Variants in LZIC observed in about 807,000 individuals in gnomAD.
LZIC encodes the protein leucine zipper and CTNNBIP1 domain containing, also known as protein LZIC.
LZIC carries 28 observed loss-of-function variants against 25.4 expected under a neutral mutation model. The observed-to-expected ratio is 1.10, with a 90% CI of 0.82 to 1.51. LZIC has a LOEUF of 1.51. LZIC is among the 40% of genes most tolerant of loss of function. The pLI is 0.00. For synonymous variants in LZIC, 65 were observed against 70.7 expected, an observed-to-expected ratio of 0.92 and a Z score of 0.40; for missense variants, 170 against 211.1, an observed-to-expected ratio of 0.81 and a Z score of 1.21.
At position 9,929,316 on chromosome 1, in the gene LZIC, A is replaced by G; in HGVS notation, c.*1083T>C. On this transcript the variant is annotated 3_prime_UTR_variant, in exon 8 of 8. Coordinates refer to ENST00000377223, the MANE Select transcript of LZIC (RefSeq NM_032368.5). ...AATGCTTTTAATTTGTATAAAGTGCAAAGAAAAAGAATATTGAGAAGCACA... is the reference window on the plus strand; with the variant it reads ...AATGCTTTTAATTTGTATAAAGTGCGAAGAAAAAGAATATTGAGAAGCACA... 3 of 984,974 alleles carry G rather than the reference A, an allele frequency of 3.0e-6. No homozygotes were observed. The highest frequency in any genetic ancestry group is 3.6e-6 in the Non-Finnish European group (3 of 829,470). The allele number at this position is 984,974 out of a possible 1,614,324, so 61.0% of individuals were successfully genotyped here.
intron 7 of LZIC, among the ~76,000 whole-genome samples, chr1:9,931,041 T>C (rs1177490008): frequency 6.6e-6 from 1 of 150,986 alleles, no homozygotes; most frequent in Non-Finnish European, 1.5e-5. Context: ...TTAAAACATT[T>C]CTGTGAAAAA....
Position 9,935,579 on chromosome 1 carries a change from CAG to C in LZIC, c.148_149del (p.Leu50GlyfsTer5). On this transcript the variant is annotated frameshift_variant, in exon 4 of 8. Coordinates refer to ENST00000377223, the MANE Select transcript of LZIC (RefSeq NM_032368.5). LOFTEE classifies it high-confidence loss of function. Reference protein sequence around the residue: ...DEYEETKKETLEQLSEFNDSL... With the variant: ...DEYEETKKETXEQLSEFNDSL... ...AATCATTAAATTCACTTAGTTGCTC[CAG>C]AGTTTCCTTTTTGGTTTCTTCATAT... 6.2e-7 allele frequency: 1 copy of C among 1,611,672 alleles called. No individual in the cohort carries two copies. Among genetic ancestry groups the C allele is most frequent in the African/African-American group, 1.3e-5 (1 of 74,874 alleles).
intron 5 of LZIC, among the ~76,000 whole-genome samples, chr1:9,934,024 C>T (rs1305488766): frequency 6.6e-6 from 1 of 151,942 alleles, no homozygotes; most frequent in East Asian, 1.9e-4. Context: ...GTTAGGAGTT[C>T]AAGACCAGCC....
rs1169901995 is a variant in LZIC, at chr1:9,934,779, G to A, written c.319C>T (p.Arg107Trp). The A allele has an allele frequency of 5.6e-6, 9 of 1,613,884 alleles. No homozygotes were observed. Among genetic ancestry groups the A allele is most frequent in the Middle Eastern group, 1.6e-4 (1 of 6,084 alleles). The change falls in exon 5 of 8, where the codon CGG becomes TGG. Residue 107 changes from arginine to tryptophan, a missense_variant. Arg to Trp is a moderately radical substitution (Grantham distance 101). Coordinates refer to ENST00000377223, the MANE Select transcript of LZIC (RefSeq NM_032368.5). Reference protein sequence around the residue: ...LFAKKQPGQLRTRLAEMDRDL... With the variant: ...LFAKKQPGQLWTRLAEMDRDL... The stretch of plus-strand genomic sequence containing the variant: ...AATTTTACCTCTGCTAACCTTGTCC[G>A]AAGCTGACCTGGTTGTTTCTTTGCA...
At chr1:9,925,192 G>T (rs1639952148), downstream of LZIC, among the ~76,000 whole-genome samples, 1 of 151,884 alleles carries the variant, frequency 6.6e-6, no homozygotes, top group Non-Finnish European at 1.5e-5. Context: ...TGGACATGGT[G>T]GCGCATGCCT....
Position 9,929,649 on chromosome 1 carries a change from C to T in LZIC, c.*750G>A. 1 of 985,392 alleles carries T rather than the reference C, an allele frequency of 1.0e-6. No individual in the cohort carries two copies. Among genetic ancestry groups the T allele is most frequent in the Non-Finnish European group, 1.2e-6 (1 of 829,932 alleles). 61.0% of individuals were successfully genotyped at this position (985,392 alleles called of 1,614,324 possible). A position where few individuals can be genotyped will look rare whatever the true frequency, so the allele number is the denominator to read the frequency against. On this transcript the variant is annotated 3_prime_UTR_variant, in exon 8 of 8. Transcript: ENST00000377223. ...ACGCTCAACAGGGCTCCCATTGTTC[C>T]AACCTCAAAATTCCGAGATACAACG...
In LZIC at chr1:9,931,965, G is replaced by A. The variant is rs1422413841; in HGVS notation, c.440C>T (p.Ala147Val). 1.2e-6 allele frequency: 2 copies of A among 1,612,522 alleles called. No homozygotes were observed. The highest frequency in any genetic ancestry group is 2.7e-5 in the African/African-American group (2 of 74,870). The change falls in exon 7 of 8, where the codon GCA becomes GTA. Residue 147 changes from alanine (A) to valine (V), a missense_variant. Ala to Val is a moderately conservative substitution (Grantham distance 64). Transcript: ENST00000377223. Reference sequence around the variant, plus strand: ...TGCTGACAAGAAGGCCTCATCATCTGCAGTCAGCTAAACAAAATGAAACAA... The same window carrying A: ...TGCTGACAAGAAGGCCTCATCATCTACAGTCAGCTAAACAAAATGAAACAA... ...ALRKLGEKLTADDEAFLSANA... is the reference protein window; with the variant it reads ...ALRKLGEKLTVDDEAFLSANA...
chr1:9,943,276 G>A lies in LZIC; in HGVS notation c.-195C>T, dbSNP rs994505191. 1.9e-5 allele frequency: 3 copies of A among 156,556 alleles called. No individual in the cohort carries two copies. Among genetic ancestry groups the A allele is most frequent in the Non-Finnish European group, 2.8e-5 (2 of 70,192 alleles). The allele number at this position is 156,556 out of a possible 1,614,324, so 9.7% of individuals were successfully genotyped here. Reference sequence around the variant, plus strand: ...GACAAAAACTGGGACAACCTCCTTAGGCCCCCGGGATTCCCCCTGTGCCGC... The same window carrying A: ...GACAAAAACTGGGACAACCTCCTTAAGCCCCCGGGATTCCCCCTGTGCCGC... On this transcript the variant is annotated 5_prime_UTR_variant, in exon 1 of 8. Transcript: ENST00000377223.
Position 9,928,203 on chromosome 1 carries a change from C to T in LZIC, c.*2196G>A, listed in dbSNP as rs1640072299. Among the ~76,000 whole-genome samples, 1 of 152,194 alleles carries T rather than the reference C, an allele frequency of 6.6e-6. No homozygotes were observed. The highest frequency in any genetic ancestry group is 2.4e-5 in the African/African-American group (1 of 41,538). ...GTGGCGCATGCCTTAATCCCAGCTA[C>T]TCGGGAGGCTGAGGCAGGAGAATCG... is the stretch of plus-strand genomic sequence containing the variant. On this transcript the variant is annotated 3_prime_UTR_variant, in exon 8 of 8. Coordinates refer to ENST00000377223, the MANE Select transcript of LZIC (RefSeq NM_032368.5).
At chr1:9,937,228 C>G (rs1036256103) in intron 2 of LZIC, among the ~76,000 whole-genome samples, 1 of 152,032 alleles carries the variant, frequency 6.6e-6, no homozygotes, top group Non-Finnish European at 1.5e-5. Flanking sequence ...CCCGTCTCTC[C>G]TAAAAATATA....
chr1:9,932,101 TGGG>T (rs550002629), intron 6 of LZIC, 129 bp from the exon 7 acceptor site: 18,715 of 184,864 alleles, frequency 0.1, 1,285 homozygotes, highest in African/African-American at 0.2. Flanking sequence ...TTGGGAGGCG[TGGG>T]GGGGGGGGGG....
Position 9,929,941 on chromosome 1 carries a change from G to T in LZIC, c.*458C>A, listed in dbSNP as rs1640138904. ...TTTCCTTGTTTGTAAAAACAGAAATGATTTCTAAGATCACTCAGAATTGTA... is the reference window on the plus strand; with the variant it reads ...TTTCCTTGTTTGTAAAAACAGAAATTATTTCTAAGATCACTCAGAATTGTA... On this transcript the variant is annotated 3_prime_UTR_variant, in exon 8 of 8. Coordinates refer to ENST00000377223, the MANE Select transcript of LZIC (RefSeq NM_032368.5). The T allele has an allele frequency of 1.4e-5, 13 of 958,268 alleles. No homozygotes were observed. The highest frequency in any genetic ancestry group is 1.5e-5 in the Non-Finnish European group (12 of 805,256). The allele number at this position is 958,268 out of a possible 1,614,324, so 59.4% of individuals were successfully genotyped here. A position where few individuals can be genotyped will look rare whatever the true frequency, so the allele number is the denominator to read the frequency against.
In LZIC at chr1:9,929,041, G is replaced by A. The variant is rs1640106942; in HGVS notation, c.*1358C>T. The A allele has an allele frequency of 6.6e-6, 1 of 152,486 alleles. No homozygotes were observed. The highest frequency in any genetic ancestry group is 2.4e-5 in the African/African-American group (1 of 41,404). 9.4% of individuals were successfully genotyped at this position (152,486 alleles called of 1,614,324 possible). On this transcript the variant is annotated 3_prime_UTR_variant, in exon 8 of 8. Transcript: ENST00000377223. ...AGCAGTCGGAGGAGAAGGGAATGGG[G>A]ACTAACTGCTTAATAGGTATAGGGC...
intron 2 of LZIC, among the ~76,000 whole-genome samples, chr1:9,936,929 A>AGAC (rs1313961933): frequency 6.6e-6 from 1 of 152,150 alleles, no homozygotes; most frequent in Non-Finnish European, 1.5e-5. Flanking sequence ...CAGGAGATCA[A>AGAC]GACCATCCTG....
intron 7 of LZIC, 40 bp downstream of exon 7, chr1:9,931,851 G>T: frequency 7.6e-7 from 1 of 1,321,540 alleles, no homozygotes; most frequent in Non-Finnish European, 1.1e-6. Flanking sequence ...ATATATGACA[G>T]TAGTATACGA....
rs988155804 is a variant in LZIC at position 9,934,835 on chromosome 1, G to A, written c.263C>T (p.Ala88Val). ...TCTGATGACCTCTGGGGTTTTAAAG[G>A]CCTGGCTGATAGCTGCCTGAATAGC... Reference protein sequence around the residue: ...QLAIQAAISQAFKTPEVIRLF... With the variant: ...QLAIQAAISQVFKTPEVIRLF... Residue 88 changes from alanine to valine, a missense_variant, in exon 5 of 8, where the codon GCC (alanine) becomes GTC (valine). By Grantham distance (64) the Ala-to-Val change is moderately conservative. Transcript: ENST00000377223. The A allele has an allele frequency of 6.8e-6, 11 of 1,613,944 alleles. No individual in the cohort carries two copies. In the Middle Eastern group the frequency reaches 4.9e-4, roughly 72 times the overall value.
chr1:9,923,013 G>T (rs964156829), downstream of LZIC, among the ~76,000 whole-genome samples: 1 of 151,910 alleles, frequency 6.6e-6, no homozygotes, highest in Non-Finnish European at 1.5e-5. Flanking sequence ...GATCTTTTTA[G>T]CACAACTTTT....
rs950399526 is a variant in LZIC at position 9,928,385 on chromosome 1, A to T, written c.*2014T>A. 6.6e-6 allele frequency among the ~76,000 whole-genome samples: 1 copy of T among 152,182 alleles called. No homozygotes were observed. The highest frequency in any genetic ancestry group is 2.4e-5 in the African/African-American group (1 of 41,432). ...CATTCCTAGGTGTACACCCAAAAAAATTGAAAACAGGTATTCAAACAAATA... is the reference window on the plus strand; with the variant it reads ...CATTCCTAGGTGTACACCCAAAAAATTTGAAAACAGGTATTCAAACAAATA... On this transcript the variant is annotated 3_prime_UTR_variant, in exon 8 of 8. Coordinates refer to ENST00000377223, the MANE Select transcript of LZIC (RefSeq NM_032368.5).
At chr1:9,937,775 G>A (rs1481080880) in intron 2 of LZIC, among the ~76,000 whole-genome samples, 2 of 141,960 alleles carry the variant, frequency 1.4e-5, no homozygotes, top group Non-Finnish European at 3.0e-5. Flanking sequence ...TTGAGCCCAG[G>A]AATTTGAGGT....
Sources: gnomAD v4.1 joint callset for allele counts (sites outside exome capture counted in the v4.1 genomes callset) on GRCh38, gnomAD v4.1.1 for gene constraint, MANE v1.5 for transcripts, NCBI Gene and HGNC (gene_info 2026-07-23, HGNC 2026-07-21) for gene names.